Variants in TNIP1 observed in about 807,000 individuals in gnomAD.
TNIP1 encodes the protein TNFAIP3 interacting protein 1.
In TNIP1, 22 loss-of-function variants were observed where a neutral mutation model predicts 86.6. The ratio of observed to expected loss-of-function variants is 0.25; its 90% CI spans 0.18 to 0.36. The LOEUF is 0.36. Among genes scored for constraint, TNIP1 ranks in the 10% least tolerant of loss-of-function variants. The pLI is 1.00. For missense variants in TNIP1, 709 were observed against 820.6 expected, an observed-to-expected ratio of 0.86 and a Z score of 1.66; for synonymous variants, 294 against 313.0, an observed-to-expected ratio of 0.94 and a Z score of 0.64.
chr5:151,062,259 G>A, intron 3 of TNIP1, 47 bp from the exon 4 acceptor site: 1 of 1,559,054 alleles, frequency 6.4e-7, no homozygotes, highest in Non-Finnish European at 8.8e-7. Flanking sequence ...AAGGGGAGAA[G>A]CCCAGGTACC....
intron 1 of TNIP1, among the ~76,000 whole-genome samples, chr5:151,077,188 A>G (rs959829512): frequency 1.3e-5 from 2 of 152,224 alleles, no homozygotes; most frequent in Admixed American, 1.3e-4. Flanking sequence ...TGTATTAGCC[A>G]AACTGGCCCC....
intron 14 of TNIP1, among the ~76,000 whole-genome samples, chr5:151,035,335 C>T (rs568585832): frequency 1.3e-5 from 2 of 152,372 alleles, no homozygotes; most frequent in African/African-American, 4.8e-5. Flanking sequence ...TTTAGTTCCA[C>T]TCTGGGAGAG....
chr5:151,069,296 T>G (rs1762580062), intron 1 of TNIP1, among the ~76,000 whole-genome samples: 1 of 152,244 alleles, frequency 6.6e-6, no homozygotes, highest in African/African-American at 2.4e-5. Flanking sequence ...ATCTTCCCAT[T>G]AGCAGTGTTC....
chr5:151,070,746 TC>T (rs34618667), intron 1 of TNIP1, among the ~76,000 whole-genome samples: 1 of 152,146 alleles, frequency 6.6e-6, no homozygotes, highest in Non-Finnish European at 1.5e-5. Context: ...CCTCCAGTCC[TC>T]CCCAACCAAT....
At chr5:151,059,826 AGAGT>A (rs1761232452) in intron 5 of TNIP1, among the ~76,000 whole-genome samples, 34 of 72,190 alleles carry the variant, frequency 4.7e-4, no homozygotes, top group East Asian at 2.0e-3. Flanking sequence ...AGAGAGAGAG[AGAGT>A]GTGTGTGTGT....
intron 8 of TNIP1, chr5:151,046,501 A>G (rs906808537): frequency 2.0e-5 from 3 of 152,780 alleles, no homozygotes; most frequent in Non-Finnish European, 2.9e-5. Flanking sequence ...AAGGGGCTAA[A>G]GCAGAGACAT....
upstream of TNIP1, chr5:151,081,140 G>C (rs1393347354): frequency 6.6e-6 from 1 of 152,202 alleles, no homozygotes; most frequent in Non-Finnish European, 1.5e-5. Context: ...CGGCCGCCTG[G>C]GGTGGGACCG....
At chr5:151,081,861 G>C (rs1185106608), upstream of TNIP1, among the ~76,000 whole-genome samples, 1 of 152,026 alleles carries the variant, frequency 6.6e-6, no homozygotes, top group Non-Finnish European at 1.5e-5. Flanking sequence ...ACATAAACTT[G>C]CTTTAAGGGT....
intron 1 of TNIP1, among the ~76,000 whole-genome samples, chr5:151,069,507 A>T (rs958719876): frequency 6.6e-6 from 1 of 152,150 alleles, no homozygotes; most frequent in African/African-American, 2.4e-5. Context: ...TAATCAGCCC[A>T]ATTTAATGCC....
At chr5:151,085,909 C>A (rs375453733), upstream of TNIP1, among the ~76,000 whole-genome samples, 52 of 152,314 alleles carry the variant, frequency 3.4e-4, no homozygotes, top group East Asian at 4.6e-3. Context: ...GTCCCACCCA[C>A]CTTCCTCCCT....
rs74949575 is a variant in TNIP1, at chr5:151,075,293, G to A, written c.-37+5587C>T. ...TGTAGGTGCCTGCGTGTTACCCTCG[G>A]TATCTGAGAGACTCCTTCAATTTTT... On this transcript the variant is annotated intron_variant, in intron 1 of 17. Coordinates refer to ENST00000521591, the MANE Select transcript of TNIP1 (RefSeq NM_006058.5). Among the ~76,000 whole-genome samples, 1,444 of 152,252 alleles carry A rather than the reference G, an allele frequency of 9.5e-3. 26 individuals are homozygous for A. The highest frequency in any genetic ancestry group is 0.033 in the African/African-American group (1,387 of 41,552).
chr5:151,084,216 G>A (rs963286142), upstream of TNIP1, among the ~76,000 whole-genome samples: 3 of 152,158 alleles, frequency 2.0e-5, no homozygotes, highest in Non-Finnish European at 1.5e-5. Flanking sequence ...AGGCTGAGGC[G>A]GGTGGATCAC....
chr5:151,048,431 G>A (rs1759467293), intron 8 of TNIP1, among the ~76,000 whole-genome samples: 1 of 152,204 alleles, frequency 6.6e-6, no homozygotes, highest in African/African-American at 2.4e-5. Context: ...TGAGGCCTAG[G>A]AGTCTTATGT....
Position 151,030,076 on chromosome 5 carries a change from C to A in TNIP1, c.*637G>T, listed in dbSNP as rs1457701392. On this transcript the variant is annotated 3_prime_UTR_variant, in exon 18 of 18. Transcript: ENST00000521591. The stretch of plus-strand genomic sequence containing the variant: ...GGGGTCCAGGGTCTGAACCTCAGGG[C>A]CTGGCAGCTTCAGGCTGGCGCCCCT... The A allele has an allele frequency of 2.2e-6, 1 of 456,778 alleles. No individual in the cohort carries two copies. The highest frequency in any genetic ancestry group is 2.0e-5 in the African/African-American group (1 of 50,094). The allele number at this position is 456,778 out of a possible 1,614,324, so 28.3% of individuals were successfully genotyped here. A position where few individuals can be genotyped will look rare whatever the true frequency, so the allele number is the denominator to read the frequency against.
chr5:151,061,065 G>A (rs2113679862), intron 4 of TNIP1, among the ~76,000 whole-genome samples: 1 of 152,308 alleles, frequency 6.6e-6, no homozygotes, highest in East Asian at 1.9e-4. Flanking sequence ...CAAATCCACG[G>A]TGGCCAAGAA....
At chr5:151,047,790 C>G (rs1468988954) in intron 8 of TNIP1, among the ~76,000 whole-genome samples, 3 of 152,130 alleles carry the variant, frequency 2.0e-5, no homozygotes, top group Non-Finnish European at 4.4e-5. Context: ...TCTCCAAGCC[C>G]CTCTGTGATG....
intron 8 of TNIP1, among the ~76,000 whole-genome samples, chr5:151,049,158 C>T (rs923527271): frequency 2.0e-5 from 3 of 152,166 alleles, no homozygotes; most frequent in Non-Finnish European, 4.4e-5. Flanking sequence ...AGCTATTAAA[C>T]CCCATTAAAG....
At chr5:151,085,155 G>A (rs1017270801), upstream of TNIP1, among the ~76,000 whole-genome samples, 8 of 152,298 alleles carry the variant, frequency 5.3e-5, no homozygotes, top group East Asian at 1.9e-4. Flanking sequence ...AGACCGTCAC[G>A]CAGAGGATAA....
At chr5:151,079,245 C>T (rs1763729650) in intron 1 of TNIP1, among the ~76,000 whole-genome samples, 1 of 152,202 alleles carries the variant, frequency 6.6e-6, no homozygotes, top group African/African-American at 2.4e-5. Context: ...GAACAGGGTC[C>T]AGGATTCAAG....
Sources: allele counts gnomAD v4.1 joint callset (sites outside exome capture counted in the v4.1 genomes callset), GRCh38; gene constraint gnomAD v4.1.1; transcripts MANE v1.5; gene names NCBI Gene and HGNC (gene_info 2026-07-23, HGNC 2026-07-21).